DMXL2: variants seen among roughly 807,000 people sequenced by gnomAD.
The protein encoded by DMXL2 is Dmx like 2.
A neutral mutation model predicts 331.1 loss-of-function variants in DMXL2; 103 were observed. The observed-to-expected ratio is 0.31, with a 90% CI of 0.27 to 0.37. The LOEUF is 0.37. Ranked by LOEUF, DMXL2 falls within the 10% of genes least tolerant of loss-of-function variation. The pLI is 1.00. For synonymous variants in DMXL2, 1,281 were observed against 1,252.1 expected (o/e 1.02, Z -0.49); for missense variants, 3,171 against 3,642.9 (o/e 0.87, Z 3.33).
chr15:51,500,167 A>G lies in DMXL2; in HGVS notation c.3057T>C (p.Cys1019=), dbSNP rs1249794872. 7 of 1,614,082 alleles carry G rather than the reference A, an allele frequency of 4.3e-6. No homozygotes were observed. The highest frequency in any genetic ancestry group is 1.1e-5 in the South Asian group (1 of 91,086). Reference sequence around the variant, plus strand: ...TCCAGAAGCGTACTTTATTGTCAGAACAAGTTGTAACCACTAAATAAGGTG... The same window carrying G: ...TCCAGAAGCGTACTTTATTGTCAGAGCAAGTTGTAACCACTAAATAAGGTG... ...CLAPYLVVTT[C]SDNKVRFWKC... Residue 1019 remains cysteine (C), a synonymous_variant, in exon 18 of 44, where the codon TGT becomes TGC. Coordinates refer to ENST00000560891, the MANE Select transcript of DMXL2 (RefSeq NM_001378457.1).
At chr15:51,581,922 C>T (rs6493507) in intron 1 of DMXL2, among the ~76,000 whole-genome samples, 123,799 of 152,122 alleles carry the variant, frequency 0.81, 50,748 homozygotes, top group East Asian at 0.99. Context: ...TCAAGGTGTA[C>T]TAAGCATGTT....
At chr15:51,540,729 C>T (rs187080771) in intron 9 of DMXL2, among the ~76,000 whole-genome samples, 105 of 152,170 alleles carry the variant, frequency 6.9e-4, no homozygotes, top group African/African-American at 2.5e-3. Context: ...GTTATATTTA[C>T]ATGCAGTAAC....
chr15:51,453,683 A>T, intron 40 of DMXL2, 42 bp from the exon 41 acceptor site: 1 of 1,483,682 alleles, frequency 6.7e-7, no homozygotes, highest in Non-Finnish European at 9.4e-7. Flanking sequence ...TTACCATTGG[A>T]TAAAATTTGA....
At chr15:51,592,788 C>A (rs1196224265) in intron 1 of DMXL2, among the ~76,000 whole-genome samples, 2 of 145,016 alleles carry the variant, frequency 1.4e-5, no homozygotes, top group Non-Finnish European at 3.0e-5. Flanking sequence ...AGAATTTTCA[C>A]CCAGAATTTC....
rs753834796 is a variant in DMXL2, at chr15:51,499,662, C to T, written c.3562G>A (p.Gly1188Ser). ...DGSHILTVGVGANIFMYGRLS... is the reference protein window; with the variant it reads ...DGSHILTVGVSANIFMYGRLS... ...CTTCCATACATGAAGATATTCGCACCGACTCCCACTGTAAGAATGTGGGAG... is the reference window on the plus strand; with the variant it reads ...CTTCCATACATGAAGATATTCGCACTGACTCCCACTGTAAGAATGTGGGAG... Residue 1188 changes from glycine to serine, a missense_variant, in exon 18 of 44, where the codon GGT (glycine) becomes AGT (serine). Coordinates refer to ENST00000560891, the MANE Select transcript of DMXL2 (RefSeq NM_001378457.1). 22 of 1,613,904 alleles carry T rather than the reference C, an allele frequency of 1.4e-5. No individual in the cohort carries two copies. Among genetic ancestry groups the T allele is most frequent in the Non-Finnish European group, 1.8e-5 (21 of 1,179,980 alleles).
chr15:51,467,091 G>C (rs2040650415), intron 29 of DMXL2, among the ~76,000 whole-genome samples: 1 of 152,056 alleles, frequency 6.6e-6, no homozygotes, highest in Non-Finnish European at 1.5e-5. Flanking sequence ...TGTGGGAATG[G>C]GAGATGAAGT....
intron 1 of DMXL2, among the ~76,000 whole-genome samples, chr15:51,605,825 G>A (rs1381386909): frequency 2.4e-5 from 1 of 42,110 alleles, no homozygotes; most frequent in East Asian, 5.9e-4. Context: ...TTACAGGCGT[G>A]AGCCACCGCG....
chr15:51,480,741 C>A lies in DMXL2; in HGVS notation c.6365G>T (p.Gly2122Val). Reference sequence around the variant, plus strand: ...TTCTATTTGATGGCGCTCATAGGAACCAATATCTGGTTTGTCTACCATTTC... The same window carrying A: ...TTCTATTTGATGGCGCTCATAGGAAACAATATCTGGTTTGTCTACCATTTC... ...QEEMVDKPDI[G>V]SYERHQIERR... The change falls in exon 24 of 44, where the codon GGT (glycine) becomes GTT (valine). Residue 2122 changes from glycine (G) to valine (V), a missense_variant. Coordinates refer to ENST00000560891, the MANE Select transcript of DMXL2 (RefSeq NM_001378457.1). 2 of 1,600,820 alleles carry A rather than the reference C, an allele frequency of 1.2e-6. No homozygotes were observed. Among genetic ancestry groups the A allele is most frequent in the Non-Finnish European group, 1.7e-6 (2 of 1,170,808 alleles).
chr15:51,502,012 C>T (rs1470686094), intron 17 of DMXL2, among the ~76,000 whole-genome samples: 16 of 150,900 alleles, frequency 1.1e-4, no homozygotes, highest in South Asian at 8.4e-4. Context: ...GGGTGGATCA[C>T]GAGGTCAGGA....
At position 51,538,217 on chromosome 15, in the gene DMXL2, G is replaced by T; in HGVS notation, c.1341C>A (p.Asp447Glu). The T allele has an allele frequency of 6.2e-7, 1 of 1,611,906 alleles. No homozygotes were observed. Among genetic ancestry groups the T allele is most frequent in the South Asian group, 1.1e-5 (1 of 90,796 alleles). Residue 447 changes from aspartate (D) to glutamate (E), a missense_variant, in exon 10 of 44, where the codon GAC becomes GAA. By Grantham distance (45) the Asp-to-Glu change is conservative (BLOSUM62 2). Coordinates refer to ENST00000560891, the MANE Select transcript of DMXL2 (RefSeq NM_001378457.1). ...ATCTGAACACAGGATACTAACCATG[G>T]TCTAATTTCATATGTAAACCCCGTT... ...DRERGLHMKL[D>E]HDLSLDRESE...
intron 22 of DMXL2, among the ~76,000 whole-genome samples, chr15:51,487,375 G>T (rs527694097): frequency 6.6e-6 from 1 of 152,216 alleles, no homozygotes; most frequent in East Asian, 1.9e-4. Context: ...TGGTCTGGAA[G>T]AAGACATTCA....
chr15:51,505,332 G>C lies in DMXL2; in HGVS notation c.2764+1802C>G, dbSNP rs1044823481. ...ACCTACTGCTGTCACAAACAGGGTA[G>C]GCAAGCAACTCAACTCTAGCCCTGG... On this transcript the variant is annotated intron_variant, in intron 16 of 43. Coordinates refer to ENST00000560891, the MANE Select transcript of DMXL2 (RefSeq NM_001378457.1). 4.6e-5 allele frequency among the ~76,000 whole-genome samples: 7 copies of C among 152,200 alleles called. No homozygotes were observed. The East Asian group carries it at 1.2e-3, about 25-fold the overall frequency.
At chr15:51,620,158 CTTG>C (rs1239054879) in intron 1 of DMXL2, among the ~76,000 whole-genome samples, 4 of 152,032 alleles carry the variant, frequency 2.6e-5, no homozygotes, top group African/African-American at 9.7e-5. Context: ...TTGAAAGCAG[CTTG>C]TTTTTTGTTT....
intron 6 of DMXL2, among the ~76,000 whole-genome samples, chr15:51,550,418 A>T (rs1277738438): frequency 6.6e-6 from 1 of 152,156 alleles, no homozygotes; most frequent in Middle Eastern, 3.2e-3. Flanking sequence ...GTATGAAGTG[A>T]TGTTATAATT....
chr15:51,494,493 T>A (rs1034239045), intron 19 of DMXL2, among the ~76,000 whole-genome samples: 1 of 152,160 alleles, frequency 6.6e-6, no homozygotes, highest in Non-Finnish European at 1.5e-5. Flanking sequence ...TAGTTTCAAT[T>A]TTTTAATCTG....
chr15:51,458,477 C>T (rs2039844642), intron 36 of DMXL2, 29 bp downstream of exon 36: 2 of 1,605,860 alleles, frequency 1.2e-6, no homozygotes, highest in Admixed American at 1.7e-5. Context: ...TTACAGAAAA[C>T]TATATGTAAA....
intron 29 of DMXL2, among the ~76,000 whole-genome samples, chr15:51,467,893 A>G (rs112911605): frequency 1.3e-5 from 2 of 151,900 alleles, no homozygotes; most frequent in African/African-American, 4.8e-5. Context: ...CGCCCGGCTA[A>G]TTTTTTGTAT....
At position 51,539,361 on chromosome 15, in the gene DMXL2, C is replaced by T. The variant is rs116977467; in HGVS notation, c.1106-909G>A. 7.7e-3 allele frequency among the ~76,000 whole-genome samples: 1,168 copies of T among 152,244 alleles called. 13 individuals carry two copies. The highest frequency in any genetic ancestry group is 0.02 in the Middle Eastern group (6 of 294). On this transcript the variant is annotated intron_variant, in intron 9 of 43. Transcript: ENST00000560891. ...ATATAAAAGTATTAACTGTACTATTCTTCCAACTTTTCTCAGTGTTTGAAA... is the reference window on the plus strand; with the variant it reads ...ATATAAAAGTATTAACTGTACTATTTTTCCAACTTTTCTCAGTGTTTGAAA...
In DMXL2 at chr15:51,498,579, C is replaced by T; in HGVS notation, c.4645G>A (p.Asp1549Asn). ...GAGCAACTCTTATCTCTGCTTTCAT[C>T]AAGCTCAGTACTAGTAGTAGCCACT... ...DTVATTSTEL[D>N]ESRDKSCSGR... The change falls in exon 18 of 44, where the codon GAT (aspartate) becomes AAT (asparagine). Residue 1549 changes from aspartate (D) to asparagine (N), a missense_variant. This residue lies in a region of DMXL2 where 252 missense variants were observed against 387.4 expected (regional missense o/e 0.65). Transcript: ENST00000560891. 1 of 1,612,116 alleles carries T rather than the reference C, an allele frequency of 6.2e-7. No individual in the cohort carries two copies. The highest frequency in any genetic ancestry group is 2.2e-5 in the East Asian group (1 of 44,864).
Sources: gnomAD v4.1 joint callset for allele counts (sites outside exome capture counted in the v4.1 genomes callset) on GRCh38, gnomAD v4.1.1 for gene constraint, gnomAD v4.1.1 regional missense constraint, MANE v1.5 for transcripts, NCBI Gene and HGNC (gene_info 2026-07-23, HGNC 2026-07-21) for gene names.